The following TNKS variants were observed in gnomAD, a reference collection of about 807,000 sequenced individuals.
TNKS encodes poly [ADP-ribose] polymerase tankyrase-1.
A neutral mutation model predicts 135.8 loss-of-function variants in TNKS; 72 were observed. The ratio of observed to expected loss-of-function variants is 0.53; its 90% CI spans 0.44 to 0.64. The LOEUF is 0.64. TNKS is among the 30% of genes least tolerant of loss of function. The probability of loss-of-function intolerance (pLI) is 0.00; values close to 1 mark genes in which losing one functional copy is unlikely to be tolerated. For synonymous variants in TNKS, 849 were observed against 649.3 expected, an observed-to-expected ratio of 1.31 and a Z score of -4.68; for missense variants, 1,769 against 1,674.0, an observed-to-expected ratio of 1.06 and a Z score of -0.99.
chr8:9,574,904 C>T (rs1343677540), intron 1 of TNKS: 1 of 372,510 alleles, frequency 2.7e-6, no homozygotes, highest in African/African-American at 2.2e-5. Flanking sequence ...CCCTTCTTGT[C>T]TGAGAACCTA....
rs1808474580 is a variant in TNKS, at chr8:9,781,963, G to C, written c.*5227G>C. The C allele has an allele frequency of 6.6e-6, 1 of 152,450 alleles. No individual in the cohort carries two copies. Among genetic ancestry groups the C allele is most frequent in the South Asian group, 2.1e-4 (1 of 4,834 alleles). The allele number at this position is 152,450 out of a possible 1,614,324, so 9.4% of individuals were successfully genotyped here. On this transcript the variant is annotated 3_prime_UTR_variant, in exon 27 of 27. Transcript: ENST00000310430. ...TTTCAGAGAAACAATTTCACGTTAA[G>C]AATGTTTCATGCAATATTTGGCATA...
chr8:9,636,414 G>A (rs1478171749), intron 3 of TNKS, among the ~76,000 whole-genome samples: 4 of 151,942 alleles, frequency 2.6e-5, no homozygotes, highest in Non-Finnish European at 5.9e-5. Flanking sequence ...TGAATTATTA[G>A]TGTTTATAAA....
chr8:9,619,034 A>G (rs1563121309), intron 3 of TNKS, among the ~76,000 whole-genome samples: 1 of 152,118 alleles, frequency 6.6e-6, no homozygotes, highest in Non-Finnish European at 1.5e-5. Context: ...CTAGTGTTTC[A>G]CATTTAGGTA....
intron 5 of TNKS, among the ~76,000 whole-genome samples, chr8:9,684,945 A>T (rs1394516067): frequency 1.3e-5 from 2 of 152,138 alleles, no homozygotes; most frequent in Non-Finnish European, 2.9e-5. Context: ...ATTTAAGGTG[A>T]CAGTGTTTTT....
chr8:9,689,964 T>C (rs1223040019), intron 5 of TNKS, among the ~76,000 whole-genome samples: 1 of 152,218 alleles, frequency 6.6e-6, no homozygotes, highest in Non-Finnish European at 1.5e-5. Context: ...AAACCTAAGA[T>C]TGAAAATATT....
At chr8:9,749,639 T>A (rs1806414299) in intron 18 of TNKS, among the ~76,000 whole-genome samples, 1 of 152,040 alleles carries the variant, frequency 6.6e-6, no homozygotes, top group African/African-American at 2.4e-5. Flanking sequence ...TATGCCTGGC[T>A]ATTTTTTTTG....
chr8:9,765,865 C>T, intron 24 of TNKS, 68 bp downstream of exon 24: 1 of 1,318,746 alleles, frequency 7.6e-7, no homozygotes, highest in South Asian at 1.3e-5. Context: ...AGGGAAAAAC[C>T]TACGTTAAAT....
intron 2 of TNKS, among the ~76,000 whole-genome samples, chr8:9,614,983 T>C (rs185549378): frequency 2.0e-5 from 3 of 152,300 alleles, no homozygotes; most frequent in Admixed American, 2.0e-4. Flanking sequence ...CTAAACATTT[T>C]TGATGGAAAG....
intron 3 of TNKS, among the ~76,000 whole-genome samples, chr8:9,676,981 G>A (rs1357944649): frequency 6.6e-6 from 1 of 152,108 alleles, no homozygotes; most frequent in Non-Finnish European, 1.5e-5. Flanking sequence ...GAGCACCATA[G>A]TCTCAGCCAG....
At chr8:9,685,930 C>T (rs1163964414) in intron 5 of TNKS, among the ~76,000 whole-genome samples, 1 of 152,148 alleles carries the variant, frequency 6.6e-6, no homozygotes, top group East Asian at 1.9e-4. Flanking sequence ...TATTCTTGAT[C>T]AGTACCCCCG....
chr8:9,632,332 TAA>T (rs1213301069), intron 3 of TNKS, among the ~76,000 whole-genome samples: 13 of 152,236 alleles, frequency 8.5e-5, no homozygotes, highest in Admixed American at 8.5e-4. Context: ...AGGAAAGTTT[TAA>T]AAAATACTAA....
chr8:9,704,784 A>C (rs758046576), intron 6 of TNKS, 27 bp downstream of exon 6: 1 of 1,582,988 alleles, frequency 6.3e-7, no homozygotes, highest in South Asian at 1.1e-5. Context: ...ACTTCCTGTC[A>C]GTGCTTTGTT....
chr8:9,769,475 A>C (rs983768483), intron 25 of TNKS, among the ~76,000 whole-genome samples: 7 of 152,162 alleles, frequency 4.6e-5, no homozygotes, highest in African/African-American at 1.7e-4. Context: ...GTAATGAATA[A>C]ACCCAATCTT....
At chr8:9,658,993 C>A (rs4474028) in intron 3 of TNKS, among the ~76,000 whole-genome samples, 125,231 of 152,198 alleles carry the variant, frequency 0.82, 51,764 homozygotes, top group Admixed American at 0.88. Context: ...AAAGAAGGCC[C>A]TTACATAATG....
At chr8:9,680,620 A>G (rs1389619272) in intron 4 of TNKS, 105 bp from the exon 5 acceptor site, 2 of 722,110 alleles carry the variant, frequency 2.8e-6, no homozygotes, top group Non-Finnish European at 4.9e-6. Flanking sequence ...CATGTAAAAG[A>G]AATCAAAGCA....
intron 3 of TNKS, among the ~76,000 whole-genome samples, chr8:9,662,660 G>C (rs1801777060): frequency 6.6e-6 from 1 of 152,118 alleles, no homozygotes; most frequent in Non-Finnish European, 1.5e-5. Context: ...ATGAGTTAAT[G>C]GGTGCAGCAT....
At chr8:9,556,857 G>T in intron 1 of TNKS, 1 of 581,638 alleles carries the variant, frequency 1.7e-6, no homozygotes, top group Non-Finnish European at 3.1e-6. Flanking sequence ...AAAACTCACT[G>T]TAGTTGGTAG....
intron 2 of TNKS, among the ~76,000 whole-genome samples, chr8:9,612,251 A>G (rs1429334267): frequency 1.3e-5 from 2 of 152,222 alleles, no homozygotes; most frequent in Non-Finnish European, 2.9e-5. Flanking sequence ...TAAAATATAA[A>G]TAAAAAGAAG....
intron 5 of TNKS, among the ~76,000 whole-genome samples, chr8:9,702,405 A>C (rs1172466774): frequency 2.0e-5 from 3 of 152,190 alleles, no homozygotes; most frequent in African/African-American, 7.2e-5. Context: ...ATGTAGAGGA[A>C]ATATTAGCGT....
Sources: gnomAD v4.1 joint callset for allele counts (sites outside exome capture counted in the v4.1 genomes callset) on GRCh38, gnomAD v4.1.1 for gene constraint, MANE v1.5 for transcripts, NCBI Gene and HGNC (gene_info 2026-07-23, HGNC 2026-07-21) for gene names.